Variants in TANC1 observed in about 807,000 individuals in gnomAD.
The protein encoded by TANC1 is protein TANC1.
TANC1 carries 77 observed loss-of-function variants against 149.7 expected under a neutral mutation model. The observed-to-expected ratio is 0.51, with a 90% CI of 0.43 to 0.62. The LOEUF is 0.62. Among genes scored for constraint, TANC1 ranks in the 20% least tolerant of loss-of-function variants. TANC1 has a pLI of 0.00. For missense variants in TANC1, 1,985 were observed against 2,321.8 expected (o/e 0.85, Z 2.98); for synonymous variants, 854 against 925.0 (o/e 0.92, Z 1.39).
At chr2:159,151,929 A>G (rs1380887578) in intron 7 of TANC1, among the ~76,000 whole-genome samples, 1 of 152,236 alleles carries the variant, frequency 6.6e-6, no homozygotes, top group Non-Finnish European at 1.5e-5. Flanking sequence ...TGTCACCACT[A>G]TCTGATTTTA....
rs758072597 is a variant in TANC1 at position 159,227,854 on chromosome 2, G to A, written c.3939G>A (p.Gln1313=). 2.0e-5 allele frequency: 33 copies of A among 1,614,092 alleles called. No individual in the cohort carries two copies. Among genetic ancestry groups the A allele is most frequent in the Non-Finnish European group, 2.5e-5 (30 of 1,180,038 alleles). ...GKMKEAAQRY[Q]YALRKFPREG... ...TGAAAGAGGCAGCCCAGAGGTACCAGTATGCCTTAAGAAAGTTTCCTCGAG... is the reference window on the plus strand; with the variant it reads ...TGAAAGAGGCAGCCCAGAGGTACCAATATGCCTTAAGAAAGTTTCCTCGAG... Residue 1313 remains glutamine (Q), a synonymous_variant, in exon 25 of 27, where the codon CAG becomes CAA. Coordinates refer to ENST00000263635, the MANE Select transcript of TANC1 (RefSeq NM_033394.3).
At chr2:158,974,911 T>C (rs1011637527) in intron 1 of TANC1, among the ~76,000 whole-genome samples, 1 of 134,340 alleles carries the variant, frequency 7.4e-6, no homozygotes, top group African/African-American at 3.0e-5. Context: ...TTTTGTATTT[T>C]TTTTTTTTTT....
chr2:159,146,556 T>TG (rs1471735741), intron 5 of TANC1, among the ~76,000 whole-genome samples: 11 of 146,232 alleles, frequency 7.5e-5, no homozygotes, highest in Non-Finnish European at 1.5e-4. Flanking sequence ...TTTTTTTTTT[T>TG]TGGAGACAGA....
At chr2:159,219,164 A>G in intron 20 of TANC1, 74 bp from the exon 21 acceptor site, 1 of 1,585,686 alleles carries the variant, frequency 6.3e-7, no homozygotes, top group Non-Finnish European at 8.7e-7. Context: ...TTAAAGGTTG[A>G]GAAACCTGCC....
chr2:159,095,433 C>T (rs2045998479), intron 3 of TANC1, among the ~76,000 whole-genome samples: 1 of 152,088 alleles, frequency 6.6e-6, no homozygotes, highest in Admixed American at 6.5e-5. Flanking sequence ...GCTGTGAGTT[C>T]CCTTTAAAAG....
intron 3 of TANC1, among the ~76,000 whole-genome samples, chr2:159,077,004 A>AT (rs1232591182): frequency 7.7e-4 from 111 of 144,882 alleles, no homozygotes; most frequent in African/African-American, 2.5e-3. Context: ...TTTCCTTTAG[A>AT]TTTTTTTTTC....
chr2:159,092,847 T>C (rs983402880), intron 3 of TANC1, among the ~76,000 whole-genome samples: 2 of 152,198 alleles, frequency 1.3e-5, no homozygotes, highest in Admixed American at 6.5e-5. Context: ...TCACTAAAAA[T>C]GTGTCGTTTT....
In TANC1 at chr2:159,104,458, C is replaced by T. The variant is rs1419573199; in HGVS notation, c.259+6624C>T. On this transcript the variant is annotated intron_variant, in intron 4 of 26. Coordinates refer to ENST00000263635, the MANE Select transcript of TANC1 (RefSeq NM_033394.3). ...ATTGGGATTTTTAAAAAGGCTTCCTCGGTGATTCTAATATGTAACAAAGTT... is the reference window on the plus strand; with the variant it reads ...ATTGGGATTTTTAAAAAGGCTTCCTTGGTGATTCTAATATGTAACAAAGTT... 1.7e-4 allele frequency among the ~76,000 whole-genome samples: 16 copies of T among 95,456 alleles called. 5 individuals are homozygous for T. Among genetic ancestry groups the T allele is most frequent in the South Asian group, 7.2e-4 (2 of 2,794 alleles). 62.6% of individuals were successfully genotyped at this position (95,456 alleles called of 152,430 possible).
intron 4 of TANC1, among the ~76,000 whole-genome samples, chr2:159,121,371 T>C (rs1041551444): frequency 6.6e-6 from 1 of 152,244 alleles, no homozygotes; most frequent in Non-Finnish European, 1.5e-5. Context: ...CCCACCCTTA[T>C]CGCCCAGGCT....
At chr2:159,171,343 T>C (rs1486026351) in intron 10 of TANC1, among the ~76,000 whole-genome samples, 1 of 152,194 alleles carries the variant, frequency 6.6e-6, no homozygotes. Flanking sequence ...CACAAAAGAA[T>C]TTAATAGGCC....
chr2:159,119,868 A>G (rs1486958203), intron 4 of TANC1, among the ~76,000 whole-genome samples: 1 of 152,194 alleles, frequency 6.6e-6, no homozygotes, highest in African/African-American at 2.4e-5. Flanking sequence ...GCTGCGCTTG[A>G]TGTTTGCAAG....
chr2:159,194,373 G>A lies in TANC1; in HGVS notation c.2859G>A (p.Leu953=). The A allele has an allele frequency of 1.9e-6, 3 of 1,614,278 alleles. No homozygotes were observed. The highest frequency in any genetic ancestry group is 2.2e-5 in the East Asian group (1 of 44,888). ...TTGGCCACGAGGAAGTTGTCACTCTGCTCCTGGAATTTGGTGCCTGCCTGG... is the reference window on the plus strand; with the variant it reads ...TTGGCCACGAGGAAGTTGTCACTCTACTCCTGGAATTTGGTGCCTGCCTGG... The part of the protein sequence containing the change: ...SHLGHEEVVT[L]LLEFGACLDG... Residue 953 remains leucine (L), a synonymous_variant, in exon 17 of 27, where the codon CTG becomes CTA. Transcript: ENST00000263635.
intron 1 of TANC1, among the ~76,000 whole-genome samples, chr2:158,975,308 G>A (rs891756045): frequency 2.6e-5 from 4 of 152,096 alleles, no homozygotes; most frequent in African/African-American, 9.7e-5. Flanking sequence ...GGAGGGGGGT[G>A]ACTGTGCTTA....
chr2:159,155,603 C>T (rs2053345667), intron 7 of TANC1, among the ~76,000 whole-genome samples: 1 of 152,212 alleles, frequency 6.6e-6, no homozygotes, highest in African/African-American at 2.4e-5. Flanking sequence ...AGCTGGCAGG[C>T]ATGAGCCGCC....
intron 4 of TANC1, among the ~76,000 whole-genome samples, chr2:159,125,479 G>T (rs1488478733): frequency 6.6e-6 from 1 of 152,180 alleles, no homozygotes; most frequent in South Asian, 2.1e-4. Flanking sequence ...GTGGTGTTCT[G>T]TTAAGGCTCA....
At chr2:159,017,262 G>C (rs1180715974) in intron 2 of TANC1, among the ~76,000 whole-genome samples, 5 of 152,136 alleles carry the variant, frequency 3.3e-5, no homozygotes, top group Admixed American at 3.3e-4. Context: ...AAGCTGCCAG[G>C]TAGTTCTTGA....
At chr2:159,125,466 A>G (rs2049337898) in intron 4 of TANC1, among the ~76,000 whole-genome samples, 1 of 152,164 alleles carries the variant, frequency 6.6e-6, no homozygotes, top group African/African-American at 2.4e-5. Context: ...AGACGGTAGC[A>G]GGGTGGTGTT....
intron 2 of TANC1, among the ~76,000 whole-genome samples, chr2:159,004,538 G>C (rs1482818431): frequency 6.6e-6 from 1 of 151,864 alleles, no homozygotes; most frequent in Non-Finnish European, 1.5e-5. Flanking sequence ...ATGAAGTATT[G>C]GTGCAGTTTG....
At chr2:159,098,700 T>G (rs1452213575) in intron 4 of TANC1, among the ~76,000 whole-genome samples, 1 of 152,202 alleles carries the variant, frequency 6.6e-6, no homozygotes, top group African/African-American at 2.4e-5. Flanking sequence ...GTATTTTGGC[T>G]TCCCTCTATC....
Sources: gnomAD v4.1 joint callset for allele counts (sites outside exome capture counted in the v4.1 genomes callset) on GRCh38, gnomAD v4.1.1 for gene constraint, MANE v1.5 for transcripts, NCBI Gene and HGNC (gene_info 2026-07-23, HGNC 2026-07-21) for gene names.